PTPRD: variants seen among roughly 807,000 people sequenced by gnomAD.
PTPRD encodes receptor-type tyrosine-protein phosphatase delta.
Under a neutral mutation model 214.5 loss-of-function variants are expected in PTPRD, and 34 were observed. That is an observed-to-expected ratio of 0.16 (90% CI 0.12 to 0.21). PTPRD has a LOEUF of 0.21. Among genes scored for constraint, PTPRD ranks in the 10% least tolerant of loss-of-function variants. The pLI, the probability that PTPRD is intolerant of heterozygous loss-of-function variation, is 1.00. For synonymous variants in PTPRD, 1,128 were observed against 845.7 expected (o/e 1.33, Z -5.79); for missense variants, 2,545 against 2,398.7 (o/e 1.06, Z -1.27).
In PTPRD at chr9:10,244,030, A is replaced by T. The variant is rs559438489; in HGVS notation, c.-545+96933T>A. ...TATGCTTTCTCACAGGTTTGGGAGG[A>T]TTAAATGTAATATACGTAAAGTGCA... On this transcript the variant is annotated intron_variant, in intron 3 of 45. Transcript: ENST00000381196. 3.1e-3 allele frequency among the ~76,000 whole-genome samples: 309 copies of T among 100,112 alleles called. 1 individual carries two copies. Among genetic ancestry groups the T allele is most frequent in the African/African-American group, 8.4e-3 (302 of 35,916 alleles). 65.7% of individuals were successfully genotyped at this position (100,112 alleles called of 152,430 possible).
chr9:9,589,400 TTCTC>T (rs1162738607), intron 7 of PTPRD, among the ~76,000 whole-genome samples: 2 of 151,948 alleles, frequency 1.3e-5, no homozygotes, highest in African/African-American at 4.8e-5. Context: ...TGTTCTCTCT[TTCTC>T]TTACATATTT....
Position 9,540,339 on chromosome 9 carries a change from A to G in PTPRD, c.-237+34393T>C, listed in dbSNP as rs2077327821. On this transcript the variant is annotated intron_variant, in intron 8 of 45. Transcript: ENST00000381196. ...ACTGAGGTAAAGAGACATGATTTCT[A>G]CCTCCTGGAGATCATGGTGTAGTAT... Among the ~76,000 whole-genome samples, 3 of 151,740 alleles carry G rather than the reference A, an allele frequency of 2.0e-5. No individual in the cohort carries two copies. The South Asian group carries it at 6.2e-4, about 31-fold the overall frequency.
chr9:8,554,130 G>A (rs1259040882), intron 14 of PTPRD, among the ~76,000 whole-genome samples: 2 of 152,160 alleles, frequency 1.3e-5, no homozygotes, highest in Non-Finnish European at 2.9e-5. Context: ...GAAGGTTGCA[G>A]TGAGCCAAGA....
At chr9:9,632,587 T>C (rs932314287) in intron 7 of PTPRD, among the ~76,000 whole-genome samples, 4 of 151,338 alleles carry the variant, frequency 2.6e-5, no homozygotes, top group African/African-American at 9.8e-5. Flanking sequence ...AATCATACTT[T>C]TTAAAGTAAA....
At chr9:8,525,143 A>G (rs779384855) in intron 17 of PTPRD, 108 bp from the exon 18 acceptor site, 28 of 901,618 alleles carry the variant, frequency 3.1e-5, no homozygotes, top group Non-Finnish European at 4.3e-5. Context: ...GCGAAGGTCC[A>G]CTCAACGTCG....
chr9:10,541,452 C>A (rs2059088568), intron 2 of PTPRD, among the ~76,000 whole-genome samples: 1 of 151,926 alleles, frequency 6.6e-6, no homozygotes, highest in South Asian at 2.1e-4. Context: ...AAGGCAAATG[C>A]ATTTTCAATT....
chr9:9,733,853 G>A (rs944670604), intron 7 of PTPRD, among the ~76,000 whole-genome samples: 3 of 152,100 alleles, frequency 2.0e-5, no homozygotes, highest in Non-Finnish European at 4.4e-5. Context: ...ATGTATGAAT[G>A]TGATAGTGAG....
At chr9:9,918,472 C>G (rs188130869) in intron 5 of PTPRD, among the ~76,000 whole-genome samples, 1 of 151,146 alleles carries the variant, frequency 6.6e-6, no homozygotes, top group Non-Finnish European at 1.5e-5. Flanking sequence ...GTTAGAATCA[C>G]AAAACTATCC....
chr9:10,496,776 G>T (rs1274744538), intron 2 of PTPRD, among the ~76,000 whole-genome samples: 1 of 152,002 alleles, frequency 6.6e-6, no homozygotes, highest in African/African-American at 2.4e-5. Context: ...GTGTGTTCAG[G>T]TACTTTGCCC....
intron 3 of PTPRD, among the ~76,000 whole-genome samples, chr9:10,243,027 G>C (rs1432393591): frequency 6.6e-6 from 1 of 151,888 alleles, no homozygotes; most frequent in East Asian, 1.9e-4. Flanking sequence ...TTCTGGTTTT[G>C]TAACTGCCTC....
intron 5 of PTPRD, among the ~76,000 whole-genome samples, chr9:9,895,712 T>A (rs980963496): frequency 1.3e-5 from 2 of 151,980 alleles, no homozygotes; most frequent in Non-Finnish European, 2.9e-5. Context: ...TCTTGAAAAA[T>A]GGTAAGAATG....
intron 2 of PTPRD, among the ~76,000 whole-genome samples, chr9:10,548,129 CA>C (rs1397192958): frequency 2.6e-5 from 4 of 151,942 alleles, no homozygotes; most frequent in Non-Finnish European, 5.9e-5. Context: ...AAGAGGTAAA[CA>C]AAATTTAAAT....
chr9:9,685,046 G>C (rs529549536), intron 7 of PTPRD, among the ~76,000 whole-genome samples: 288 of 151,482 alleles, frequency 1.9e-3, no homozygotes, highest in African/African-American at 6.5e-3. Context: ...CTATTTTTCA[G>C]CATAAAACTT....
chr9:10,317,235 G>C (rs1017652092), intron 3 of PTPRD, among the ~76,000 whole-genome samples: 1 of 151,896 alleles, frequency 6.6e-6, no homozygotes, highest in Admixed American at 6.6e-5. Context: ...TTTTTTGCCT[G>C]TATTACCTAT....
chr9:8,775,810 C>T (rs989795341), intron 11 of PTPRD, among the ~76,000 whole-genome samples: 2 of 147,298 alleles, frequency 1.4e-5, no homozygotes, highest in Admixed American at 6.9e-5. Context: ...ATACTGAGGC[C>T]AAGTCTCTCT....
intron 9 of PTPRD, among the ~76,000 whole-genome samples, chr9:9,217,408 T>A (rs920864926): frequency 4.6e-5 from 7 of 152,204 alleles, no homozygotes; most frequent in Non-Finnish European, 7.4e-5. Context: ...AATCTCTTTT[T>A]AAGGCATATC....
At chr9:10,603,513 G>T (rs938438731) in intron 2 of PTPRD, among the ~76,000 whole-genome samples, 1 of 151,682 alleles carries the variant, frequency 6.6e-6, no homozygotes, top group Non-Finnish European at 1.5e-5. Flanking sequence ...TTTACCTTCC[G>T]TACTAATATG....
chr9:10,194,359 G>C (rs1329550498), intron 3 of PTPRD, among the ~76,000 whole-genome samples: 4 of 11,384 alleles, frequency 3.5e-4, no homozygotes, highest in African/African-American at 7.8e-4. Flanking sequence ...GAGAGAGAGA[G>C]AGAGAGAGAG....
At chr9:8,709,683 A>G (rs1055871267) in intron 12 of PTPRD, among the ~76,000 whole-genome samples, 1 of 152,156 alleles carries the variant, frequency 6.6e-6, no homozygotes, top group African/African-American at 2.4e-5. Context: ...TATATTCAGT[A>G]AATACATATA....
Sources: allele counts gnomAD v4.1 joint callset (sites outside exome capture counted in the v4.1 genomes callset), GRCh38; gene constraint gnomAD v4.1.1; transcripts MANE v1.5; gene names NCBI Gene and HGNC (gene_info 2026-07-23, HGNC 2026-07-21).